The following ERLIN1 variants were observed in gnomAD, a reference collection of about 807,000 sequenced individuals.
ERLIN1 encodes erlin-1.
A neutral mutation model predicts 46.9 loss-of-function variants in ERLIN1; 24 were observed. The ratio of observed to expected loss-of-function variants is 0.51; its 90% confidence interval spans 0.37 to 0.72. ERLIN1 has a LOEUF of 0.72. ERLIN1 is among the 30% of genes least tolerant of loss of function. ERLIN1 has a pLI of 0.00. For synonymous variants in ERLIN1, 158 were observed against 143.2 expected, an observed-to-expected ratio of 1.10 and a Z score of -0.74; for missense variants, 293 against 417.9, an observed-to-expected ratio of 0.70 and a Z score of 2.61.
intron 6 of ERLIN1, 84 bp downstream of exon 6, chr10:100,174,124 G>T: frequency 1.2e-6 from 1 of 841,974 alleles, no homozygotes; most frequent in Non-Finnish European, 1.9e-6. Context: ...TCAAATAATT[G>T]CTGAATAAAA....
chr10:100,184,305 A>G (rs1844834563), intron 1 of ERLIN1, among the ~76,000 whole-genome samples: 1 of 152,218 alleles, frequency 6.6e-6, no homozygotes, highest in Non-Finnish European at 1.5e-5. Context: ...CGATCTATCT[A>G]CAAGGTAATT....
At chr10:100,180,813 T>C (rs1332254137) in intron 2 of ERLIN1, among the ~76,000 whole-genome samples, 2 of 152,198 alleles carry the variant, frequency 1.3e-5, no homozygotes, top group Admixed American at 6.5e-5. Flanking sequence ...TCACATGTGA[T>C]GTAGTTCTCA....
chr10:100,165,385 CTTTTT>C (rs35096142), intron 7 of ERLIN1, among the ~76,000 whole-genome samples: 2 of 130,544 alleles, frequency 1.5e-5, no homozygotes, highest in Non-Finnish European at 1.6e-5. Context: ...CAGAAGCAAT[CTTTTT>C]TTTTTTTTTT....
intron 7 of ERLIN1, among the ~76,000 whole-genome samples, chr10:100,166,171 G>C (rs1425656743): frequency 6.6e-6 from 1 of 152,202 alleles, no homozygotes; most frequent in East Asian, 1.9e-4. Flanking sequence ...TGTAATCCCA[G>C]TACTTTGGGA....
intron 6 of ERLIN1, among the ~76,000 whole-genome samples, chr10:100,173,471 T>A (rs1413134807): frequency 6.6e-6 from 1 of 152,136 alleles, no homozygotes; most frequent in Non-Finnish European, 1.5e-5. Context: ...CTTTTCCTAT[T>A]CTATTCCATT....
chr10:100,185,704 T>C lies in ERLIN1; in HGVS notation c.-78A>G. 2 of 1,194,726 alleles carry C rather than the reference T, an allele frequency of 1.7e-6. No individual in the cohort carries two copies. Among genetic ancestry groups the C allele is most frequent in the Non-Finnish European group, 2.5e-6 (2 of 808,102 alleles). The allele number at this position is 1,194,726 out of a possible 1,614,324, so 74.0% of individuals were successfully genotyped here. A position where few individuals can be genotyped will look rare whatever the true frequency, so the allele number is the denominator to read the frequency against. ...GGTCCACCCCCTCCAGTTTCTACCC[T>C]CTCCCTCCGGAAACTTGGCGCTCTC... On this transcript the variant is annotated 5_prime_UTR_variant, in exon 1 of 11. Coordinates refer to ENST00000421367, the MANE Select transcript of ERLIN1 (RefSeq NM_006459.4).
chr10:100,169,957 G>A (rs985637034), intron 6 of ERLIN1, among the ~76,000 whole-genome samples: 1 of 152,164 alleles, frequency 6.6e-6, no homozygotes, highest in African/African-American at 2.4e-5. Context: ...GTTCAAGGCT[G>A]CAGTGACCTA....
At position 100,185,953 on chromosome 10, in the gene ERLIN1, G is replaced by C. The variant is rs1029807075; in HGVS notation, c.-327C>G. 9 of 465,680 alleles carry C rather than the reference G, an allele frequency of 1.9e-5. No homozygotes were observed. Among genetic ancestry groups the C allele is most frequent in the Non-Finnish European group, 3.4e-5 (9 of 265,408 alleles). 28.8% of individuals were successfully genotyped at this position (465,680 alleles called of 1,614,324 possible). A position where few individuals can be genotyped will look rare whatever the true frequency, so the allele number is the denominator to read the frequency against. On this transcript the variant is annotated 5_prime_UTR_variant, in exon 1 of 11. Transcript: ENST00000421367. ...CGCGAGGAAAGCCGACCCCTCGGCC[G>C]CGCCTCACCGATCAGTGACGCATCG...
rs145552060 is a variant in ERLIN1 at position 100,167,247 on chromosome 10, C to G, written c.563+101G>C. 3,551 of 840,654 alleles carry G rather than the reference C, an allele frequency of 4.2e-3. 134 individuals carry two copies. The Admixed American group carries it at 0.07, about 17-fold the overall frequency. The allele number at this position is 840,654 out of a possible 1,614,324, so 52.1% of individuals were successfully genotyped here. ...GAGTAAAGAAGATAAGACACATACT[C>G]CACCCCAGAGTGTATTGTCTCACAT... On this transcript the variant is annotated intron_variant, in intron 7 of 10. Transcript: ENST00000421367.
intron 4 of ERLIN1, 86 bp from the exon 5 acceptor site, chr10:100,176,156 T>A: frequency 1.7e-6 from 2 of 1,185,546 alleles, no homozygotes; most frequent in Non-Finnish European, 2.3e-6. Context: ...GTCAGGGTGA[T>A]ATATTACACA....
chr10:100,167,409 A>G lies in ERLIN1; in HGVS notation c.505-3T>C. The G allele has an allele frequency of 1.9e-6, 3 of 1,609,912 alleles. No homozygotes were observed. The highest frequency in any genetic ancestry group is 8.5e-7 in the Non-Finnish European group (1 of 1,178,216). On this transcript the variant is annotated splice_polypyrimidine_tract_variant and splice_region_variant and intron_variant, in intron 6 of 10. Coordinates refer to ENST00000421367, the MANE Select transcript of ERLIN1 (RefSeq NM_006459.4). ...TTGGGTTTTGTAACACGCACAGCCT[A>G]AAAAATAAAAGTGAAAAAGCCAAAG...
intron 10 of ERLIN1, 128 bp from the exon 11 acceptor site, chr10:100,152,480 C>A: frequency 1.5e-6 from 1 of 662,034 alleles, no homozygotes; most frequent in Non-Finnish European, 2.7e-6. Flanking sequence ...CTGCCAATGA[C>A]CCTCTCTCAC....
At chr10:100,174,360 T>TCA in intron 5 of ERLIN1, 79 bp from the exon 6 acceptor site, 1 of 1,019,628 alleles carries the variant, frequency 9.8e-7, no homozygotes, top group Non-Finnish European at 1.5e-6. Context: ...ACAAAACTAA[T>TCA]CATTATTAGA....
At chr10:100,172,922 C>T (rs1844085499) in intron 6 of ERLIN1, among the ~76,000 whole-genome samples, 1 of 152,112 alleles carries the variant, frequency 6.6e-6, no homozygotes, top group African/African-American at 2.4e-5. Context: ...AAGAGCTGAC[C>T]TTCACATTCA....
intron 6 of ERLIN1, 84 bp downstream of exon 6, chr10:100,174,123 TG>T: frequency 1.2e-6 from 1 of 838,004 alleles, no homozygotes; most frequent in Non-Finnish European, 2.0e-6. Flanking sequence ...CTCAAATAAT[TG>T]CTGAATAAAA....
At chr10:100,175,913 C>A in intron 5 of ERLIN1, 32 bp downstream of exon 5, 1 of 1,600,782 alleles carries the variant, frequency 6.2e-7, no homozygotes, top group Non-Finnish European at 8.5e-7. Context: ...TTCCAATTGG[C>A]TATTTACATA....
Position 100,163,987 on chromosome 10 carries a change from C to T in ERLIN1, c.655+17G>A, listed in dbSNP as rs368260180. On this transcript the variant is annotated intron_variant, in intron 8 of 10. Transcript: ENST00000421367. ...CAAATGTACTTAGAGACAATCATTT[C>T]AGAGAAATCCAAGTACCTATAACTG... 6.6e-5 allele frequency: 100 copies of T among 1,519,514 alleles called. No homozygotes were observed. The highest frequency in any genetic ancestry group is 8.3e-5 in the Non-Finnish European group (91 of 1,096,170). The allele number at this position is 1,519,514 out of a possible 1,614,324, so 94.1% of individuals were successfully genotyped here.
At position 100,185,962 on chromosome 10, in the gene ERLIN1, C is replaced by G; in HGVS notation, c.-336G>C. The G allele has an allele frequency of 6.5e-6, 3 of 461,718 alleles. No individual in the cohort carries two copies. Among genetic ancestry groups the G allele is most frequent in the South Asian group, 4.6e-5 (1 of 21,794 alleles). 28.6% of individuals were successfully genotyped at this position (461,718 alleles called of 1,614,324 possible). ...AGCCGACCCCTCGGCCGCGCCTCAC[C>G]GATCAGTGACGCATCGCCCCCGCCC... On this transcript the variant is annotated 5_prime_UTR_variant, in exon 1 of 11. Coordinates refer to ENST00000421367, the MANE Select transcript of ERLIN1 (RefSeq NM_006459.4).
chr10:100,165,156 G>T (rs1237439840), intron 7 of ERLIN1, among the ~76,000 whole-genome samples: 4 of 152,154 alleles, frequency 2.6e-5, no homozygotes, highest in African/African-American at 4.8e-5. Flanking sequence ...GGTTATACTG[G>T]ATCATCCCAA....
Sources: allele counts gnomAD v4.1 joint callset (sites outside exome capture counted in the v4.1 genomes callset), GRCh38; gene constraint gnomAD v4.1.1; transcripts MANE v1.5; gene names NCBI Gene and HGNC (gene_info 2026-07-23, HGNC 2026-07-21).